Variants in TTLL6 observed in about 807,000 individuals in gnomAD.
TTLL6 encodes the protein tubulin polyglutamylase TTLL6.
In TTLL6, 75 loss-of-function variants were observed where a neutral mutation model predicts 96.4. That is an observed-to-expected ratio of 0.78 (90% CI 0.65 to 0.94). The LOEUF (loss-of-function observed/expected upper bound fraction) is 0.94, where lower values mean the gene tolerates loss of function less well. TTLL6 is among the 40% of genes least tolerant of loss of function. The pLI is 0.00. For synonymous variants in TTLL6, 411 were observed against 419.4 expected, an observed-to-expected ratio of 0.98 and a Z score of 0.24; for missense variants, 1,030 against 1,093.0, an observed-to-expected ratio of 0.94 and a Z score of 0.81.
intron 13 of TTLL6, among the ~76,000 whole-genome samples, chr17:48,782,454 C>T (rs956364813): frequency 2.0e-5 from 3 of 152,116 alleles, no homozygotes; most frequent in Non-Finnish European, 2.9e-5. Context: ...TGCACCCTGC[C>T]CTGGTTTGCA....
intron 1 of TTLL6, among the ~76,000 whole-genome samples, chr17:48,814,479 A>T (rs1212030429): frequency 6.6e-6 from 1 of 152,194 alleles, no homozygotes; most frequent in Non-Finnish European, 1.5e-5. Flanking sequence ...GGATATAGTT[A>T]AGACACTGAA....
intron 8 of TTLL6, 147 bp from the exon 9 acceptor site, chr17:48,791,750 C>T: frequency 1.5e-6 from 1 of 654,846 alleles, no homozygotes; most frequent in East Asian, 2.7e-5. Flanking sequence ...GACACCTGGG[C>T]TGTGTCGGTG....
rs538777718 is a variant in TTLL6, at chr17:48,794,494, T to C, written c.998+1567A>G. Among the ~76,000 whole-genome samples the C allele has an allele frequency of 2.9e-4, 44 of 152,214 alleles. 1 individual carries two copies. In the Middle Eastern group the frequency reaches 0.014, roughly 47 times the overall value. Reference sequence around the variant, plus strand: ...GATGAAGTAACTTGTCCAAGCCTAGTTGGCAAGTGTCGGAGCCGGGACTAC... The same window carrying C: ...GATGAAGTAACTTGTCCAAGCCTAGCTGGCAAGTGTCGGAGCCGGGACTAC... On this transcript the variant is annotated intron_variant, in intron 8 of 15. Coordinates refer to ENST00000393382, the MANE Select transcript of TTLL6 (RefSeq NM_001130918.3).
At chr17:48,792,351 C>A (rs935869190) in intron 8 of TTLL6, among the ~76,000 whole-genome samples, 4 of 152,156 alleles carry the variant, frequency 2.6e-5, no homozygotes, top group Admixed American at 6.5e-5. Context: ...TGTCACAAAT[C>A]CAAGAGGCAG....
chr17:48,816,871 C>G (rs1408999297), intron 1 of TTLL6, 99 bp downstream of exon 1: 12 of 884,060 alleles, frequency 1.4e-5, no homozygotes, highest in Non-Finnish European at 1.9e-5. Context: ...GACCTGGGTC[C>G]CGTGTGGGTT....
intron 1 of TTLL6, among the ~76,000 whole-genome samples, chr17:48,805,883 G>A (rs2039498656): frequency 6.6e-6 from 1 of 152,202 alleles, no homozygotes; most frequent in Non-Finnish European, 1.5e-5. Context: ...TCCAAGGCAG[G>A]CGGATCACCT....
At chr17:48,786,415 T>A in intron 11 of TTLL6, 80 bp from the exon 12 acceptor site, 1 of 1,566,944 alleles carries the variant, frequency 6.4e-7, no homozygotes, top group Non-Finnish European at 8.7e-7. Flanking sequence ...GGGATGGACA[T>A]GACTGGGCGA....
intron 12 of TTLL6, among the ~76,000 whole-genome samples, chr17:48,785,825 A>G (rs544397586): frequency 6.6e-6 from 1 of 152,242 alleles, no homozygotes; most frequent in South Asian, 2.1e-4. Flanking sequence ...CCCAAGCTGC[A>G]GTTGAGGACC....
At chr17:48,776,416 G>A (rs1475556454) in intron 13 of TTLL6, among the ~76,000 whole-genome samples, 5 of 152,136 alleles carry the variant, frequency 3.3e-5, no homozygotes, top group Admixed American at 6.5e-5. Flanking sequence ...AGCCGAGATC[G>A]TGCCACTGCA....
chr17:48,796,239 G>C, intron 7 of TTLL6, 93 bp from the exon 8 acceptor site: 1 of 992,826 alleles, frequency 1.0e-6, no homozygotes, highest in African/African-American at 1.6e-5. Context: ...GGGGCTTGAA[G>C]GGATGGAAAG....
intron 8 of TTLL6, chr17:48,794,219 C>A: frequency 6.2e-7 from 1 of 1,614,058 alleles, no homozygotes; most frequent in Non-Finnish European, 8.5e-7. Context: ...TTCTGCTACC[C>A]CGAGACACCC....
chr17:48,807,685 T>TAAA (rs1045412052), intron 1 of TTLL6, among the ~76,000 whole-genome samples: 2 of 150,760 alleles, frequency 1.3e-5, no homozygotes, highest in African/African-American at 4.9e-5. Context: ...CTAACTTTTA[T>TAAA]ATTTTTAGTA....
At chr17:48,781,925 C>A (rs1412918844) in intron 13 of TTLL6, among the ~76,000 whole-genome samples, 1 of 152,124 alleles carries the variant, frequency 6.6e-6, no homozygotes, top group Non-Finnish European at 1.5e-5. Flanking sequence ...TAGGCCCTCA[C>A]CAGACATCAA....
chr17:48,791,625 G>A lies in TTLL6; in HGVS notation c.999-22C>T, dbSNP rs1227039748. 1.9e-6 allele frequency: 3 copies of A among 1,590,712 alleles called. No individual in the cohort carries two copies. The Admixed American group carries it at 5.1e-5, about 27-fold the overall frequency. On this transcript the variant is annotated intron_variant, in intron 8 of 15. Coordinates refer to ENST00000393382, the MANE Select transcript of TTLL6 (RefSeq NM_001130918.3). ...CTTCCTGGAAGGGAACCACAGGCCA[G>A]GAGGCAGTGTAGCTGGCTTCTGGTC...
At chr17:48,763,338 T>C (rs982577549) in intron 15 of TTLL6, among the ~76,000 whole-genome samples, 1 of 152,202 alleles carries the variant, frequency 6.6e-6, no homozygotes, top group African/African-American at 2.4e-5. Context: ...GCAAAGCTTT[T>C]AGTACACCAG....
In TTLL6 at chr17:48,762,883, T is replaced by C. The variant is rs1257195892; in HGVS notation, c.*91A>G. 1.1e-5 allele frequency: 5 copies of C among 454,234 alleles called. No individual in the cohort carries two copies. The highest frequency in any genetic ancestry group is 2.2e-5 in the Non-Finnish European group (5 of 226,354). The allele number at this position is 454,234 out of a possible 1,614,324, so 28.1% of individuals were successfully genotyped here. On this transcript the variant is annotated 3_prime_UTR_variant, in exon 16 of 16. Coordinates refer to ENST00000393382, the MANE Select transcript of TTLL6 (RefSeq NM_001130918.3). The stretch of plus-strand genomic sequence containing the variant: ...GAGCAAACAAAACTTCAGTTGATTC[T>C]GTGAACACTGGAGACACTGTCGGAA...
intron 15 of TTLL6, among the ~76,000 whole-genome samples, chr17:48,764,440 T>G (rs77114164): frequency 0.017 from 2,529 of 152,266 alleles, 77 homozygotes; most frequent in African/African-American, 0.058. Flanking sequence ...CTTGAGTTTC[T>G]TCACTTGCAA....
rs1418501691 is a variant in TTLL6, at chr17:48,810,823, GTGTATA to G, written c.104-5838_104-5833del. 1.6e-3 allele frequency among the ~76,000 whole-genome samples: 107 copies of G among 65,798 alleles called. 7 individuals carry two copies. The highest frequency in any genetic ancestry group is 5.3e-3 in the African/African-American group (88 of 16,646). 43.2% of individuals were successfully genotyped at this position (65,798 alleles called of 152,430 possible). A position where few individuals can be genotyped will look rare whatever the true frequency, so the allele number is the denominator to read the frequency against. On this transcript the variant is annotated intron_variant, in intron 1 of 15. Coordinates refer to ENST00000393382, the MANE Select transcript of TTLL6 (RefSeq NM_001130918.3). Reference sequence around the variant, plus strand: ...ATATATACACATATATAGTATGTGTGTGTATATATATATATATATATATATATATAT... The same window carrying G: ...ATATATACACATATATAGTATGTGTGTATATATATATATATATATATATAT...
At chr17:48,774,619 C>T (rs1287984149) in intron 13 of TTLL6, among the ~76,000 whole-genome samples, 1 of 152,030 alleles carries the variant, frequency 6.6e-6, no homozygotes, top group Non-Finnish European at 1.5e-5. Flanking sequence ...ATAGGGACTA[C>T]TATAAATAAC....
Sources: allele counts gnomAD v4.1 joint callset (sites outside exome capture counted in the v4.1 genomes callset), GRCh38; gene constraint gnomAD v4.1.1; transcripts MANE v1.5; gene names NCBI Gene and HGNC (gene_info 2026-07-23, HGNC 2026-07-21).